Variants in C5orf58 observed in about 807,000 individuals in gnomAD.
C5orf58 encodes putative uncharacterized protein C5orf58.
Under a neutral mutation model 2.9 loss-of-function variants are expected in C5orf58, and 2 were observed. That is an observed-to-expected ratio of 0.69 (90% CI 0.28 to 2.18). C5orf58 has a LOEUF of 2.18. Among genes scored for constraint, C5orf58 ranks in the 30% most tolerant of loss-of-function variants. The pLI, the probability that C5orf58 is intolerant of heterozygous loss-of-function variation, is 0.13. For missense variants in C5orf58, 96 were observed against 91.7 expected, an observed-to-expected ratio of 1.05 and a Z score of -0.19; for synonymous variants, 37 against 33.4, an observed-to-expected ratio of 1.11 and a Z score of -0.37.
At chr5:170,237,588 C>T (rs1383741909) in intron 3 of C5orf58, among the ~76,000 whole-genome samples, 1 of 152,108 alleles carries the variant, frequency 6.6e-6, no homozygotes, top group Non-Finnish European at 1.5e-5. Flanking sequence ...AAATCTGAAC[C>T]CTAAGCTGGC....
chr5:170,235,084 C>T lies in C5orf58; in HGVS notation c.94+14C>T, dbSNP rs1355714858. 1 of 1,247,062 alleles carries T rather than the reference C, an allele frequency of 8.0e-7. No homozygotes were observed. Among genetic ancestry groups the T allele is most frequent in the Admixed American group, 2.1e-5 (1 of 47,530 alleles). The allele number at this position is 1,247,062 out of a possible 1,614,324, so 77.2% of individuals were successfully genotyped here. ...AGAAGATAAAAGGTAAGTATTGAAT[C>T]ACTAAAATGTTTGCATGTCATTGTT... On this transcript the variant is annotated intron_variant, in intron 3 of 3. Transcript: ENST00000593851.
downstream of C5orf58, chr5:170,248,604 TCAGTC>T: frequency 7.2e-7 from 1 of 1,388,204 alleles, no homozygotes; most frequent in South Asian, 1.2e-5. Flanking sequence ...GGGGTTCAGT[TCAGTC>T]CTAAGTGTTT....
chr5:170,234,317 A>C, intron 2 of C5orf58, 119 bp downstream of exon 2: 1 of 522,274 alleles, frequency 1.9e-6, no homozygotes, highest in Non-Finnish European at 3.5e-6. Flanking sequence ...TGAGAGACTG[A>C]ACAGCTTAAG....
chr5:170,233,056 G>T (rs1228454148), intron 1 of C5orf58, 49 bp downstream of exon 1: 1 of 850,056 alleles, frequency 1.2e-6, no homozygotes, highest in East Asian at 1.2e-4. Context: ...TCTGGTTTGG[G>T]AGGGTGAAGA....
At position 170,246,085 on chromosome 5, in the gene C5orf58, C is replaced by T; in HGVS notation, c.218C>T (p.Ser73Phe). The T allele has an allele frequency of 1.2e-6, 2 of 1,611,716 alleles. No homozygotes were observed. Among genetic ancestry groups the T allele is most frequent in the Non-Finnish European group, 1.7e-6 (2 of 1,178,902 alleles). The change falls in exon 4 of 4, where the codon TCC (serine) becomes TTC (phenylalanine). Residue 73 changes from serine to phenylalanine, a missense_variant. Coordinates refer to ENST00000593851, the MANE Select transcript of C5orf58 (RefSeq NM_001102609.3). ...LFEESKISDV[S>F]LVSNSFSI ...GAAGAGTCTAAAATATCAGATGTATCCCTTGTTTCTAACAGTTTTTCTATC... is the reference window on the plus strand; with the variant it reads ...GAAGAGTCTAAAATATCAGATGTATTCCTTGTTTCTAACAGTTTTTCTATC...
chr5:170,246,398 A>T (rs1055881), downstream of C5orf58: 13,135 of 222,554 alleles, frequency 0.059, 1,371 homozygotes, highest in African/African-American at 0.25. Flanking sequence ...TAATTGATGG[A>T]ATGAGTTTTT....
intron 3 of C5orf58, among the ~76,000 whole-genome samples, chr5:170,236,692 T>C (rs1760756074): frequency 6.6e-6 from 1 of 152,228 alleles, no homozygotes; most frequent in South Asian, 2.1e-4. Flanking sequence ...TATTTGCATA[T>C]CTCCACAAGT....
chr5:170,242,614 C>T (rs1455228820), intron 3 of C5orf58, among the ~76,000 whole-genome samples: 1 of 91,384 alleles, frequency 1.1e-5, no homozygotes, highest in Non-Finnish European at 2.3e-5. Context: ...TCTGTGGGAT[C>T]GGTGGTGATA....
chr5:170,233,027 C>G lies in C5orf58; in HGVS notation c.-85+20C>G, dbSNP rs529160998. ...GGCCAGGTGGGTAGTGACGGCTGCT[C>G]GGTCTTGAAGGATCCTAATCTGGTT... On this transcript the variant is annotated intron_variant, in intron 1 of 3. Coordinates refer to ENST00000593851, the MANE Select transcript of C5orf58 (RefSeq NM_001102609.3). The G allele has an allele frequency of 4.0e-4, 387 of 961,392 alleles. 3 individuals are homozygous for G. In the South Asian group the frequency reaches 0.016, roughly 39 times the overall value. 59.6% of individuals were successfully genotyped at this position (961,392 alleles called of 1,614,324 possible). A position where few individuals can be genotyped will look rare whatever the true frequency, so the allele number is the denominator to read the frequency against.
rs534778554 is a variant in C5orf58, at chr5:170,234,375, T to A, written c.-1+177T>A. ...CTCTGTATATTTGTATCTGACACAA[T>A]TGGTTAAATACAGGTACTGTATAAC... On this transcript the variant is annotated intron_variant, in intron 2 of 3. Transcript: ENST00000593851. Among the ~76,000 whole-genome samples, 5 of 152,330 alleles carry A rather than the reference T, an allele frequency of 3.3e-5. No individual in the cohort carries two copies. The East Asian group carries it at 9.6e-4, about 29-fold the overall frequency.
chr5:170,235,147 G>A, intron 3 of C5orf58, 77 bp downstream of exon 3: 1 of 757,234 alleles, frequency 1.3e-6, no homozygotes. Context: ...GTTTCTGCTG[G>A]GGTATAAGTA....
At chr5:170,248,698 T>C (rs1183853248), downstream of C5orf58, 3 of 1,612,074 alleles carry the variant, frequency 1.9e-6, no homozygotes, top group Non-Finnish European at 2.5e-6. Context: ...TATAACTTGC[T>C]ATGGGTACCC....
chr5:170,251,317 C>T (rs1185307076), intron 2 of C5orf58: 1 of 194,956 alleles, frequency 5.1e-6, no homozygotes, highest in African/African-American at 2.4e-5. Flanking sequence ...AAAACATCCA[C>T]ATGCCATGAA....
chr5:170,234,848 A>G (rs866295314), intron 2 of C5orf58, 129 bp from the exon 3 acceptor site: 1 of 509,860 alleles, frequency 2.0e-6, no homozygotes, highest in Non-Finnish European at 3.5e-6. Context: ...AATTCTAACC[A>G]TTTATAAAGA....
chr5:170,238,584 C>A (rs544434496), intron 3 of C5orf58, among the ~76,000 whole-genome samples: 1 of 152,232 alleles, frequency 6.6e-6, no homozygotes, highest in South Asian at 2.1e-4. Flanking sequence ...GCATTTGTTT[C>A]TACAATGAAA....
chr5:170,240,224 C>T (rs1479481643), intron 3 of C5orf58, among the ~76,000 whole-genome samples: 5 of 151,116 alleles, frequency 3.3e-5, no homozygotes, highest in African/African-American at 1.2e-4. Flanking sequence ...TGAATAATGC[C>T]GCAGTAAACA....
intron 2 of C5orf58, 64 bp downstream of exon 2, chr5:170,234,262 C>A: frequency 1.0e-6 from 1 of 1,000,958 alleles, no homozygotes; most frequent in Non-Finnish European, 1.4e-6. Flanking sequence ...TTTCACACTG[C>A]TGGAGTTGTG....
downstream of C5orf58, chr5:170,248,843 T>A (rs925925449): frequency 6.2e-7 from 1 of 1,609,792 alleles, no homozygotes; most frequent in East Asian, 2.2e-5. Context: ...GATAGGGAGA[T>A]GAGTCAACAT....
intron 3 of C5orf58, among the ~76,000 whole-genome samples, chr5:170,245,436 G>T (rs577886020): frequency 6.6e-6 from 1 of 152,122 alleles, no homozygotes; most frequent in South Asian, 2.1e-4. Flanking sequence ...CTCCGTGGGC[G>T]TAGGACCTTC....
Sources: allele counts gnomAD v4.1 joint callset (sites outside exome capture counted in the v4.1 genomes callset), GRCh38; gene constraint gnomAD v4.1.1; transcripts MANE v1.5; gene names NCBI Gene and HGNC (gene_info 2026-07-23, HGNC 2026-07-21).